Variants in MGAT3 observed in about 807,000 individuals in gnomAD.
The protein encoded by MGAT3 is GlcNAc-T III.
Under a neutral mutation model 29.8 loss-of-function variants are expected in MGAT3, and 9 were observed. The observed-to-expected ratio is 0.30, with a 90% confidence interval of 0.18 to 0.53. The LOEUF is 0.53. Among genes scored for constraint, MGAT3 ranks in the 20% least tolerant of loss-of-function variants. The pLI, the probability that MGAT3 is intolerant of heterozygous loss-of-function variation, is 0.96. For synonymous variants in MGAT3, 397 were observed against 348.9 expected, an observed-to-expected ratio of 1.14 and a Z score of -1.54; for missense variants, 557 against 769.5, an observed-to-expected ratio of 0.72 and a Z score of 3.27.
At chr22:39,474,472 C>T (rs1376380347) in intron 1 of MGAT3, among the ~76,000 whole-genome samples, 1 of 152,184 alleles carries the variant, frequency 6.6e-6, no homozygotes, top group Non-Finnish European at 1.5e-5. Flanking sequence ...AGTTTGAGGC[C>T]CTGTGTGCCT....
rs1929320045 is a variant in MGAT3, at chr22:39,487,715, A to C, written c.368A>C (p.Lys123Thr). 6.4e-7 allele frequency: 1 copy of C among 1,569,700 alleles called. No individual in the cohort carries two copies. The highest frequency in any genetic ancestry group is 1.4e-5 in the African/African-American group (1 of 73,376). Residue 123 changes from lysine (K) to threonine (T), a missense_variant, in exon 2 of 2, where the codon AAG becomes ACG. By Grantham distance (78) the Lys-to-Thr change is moderately conservative. Transcript: ENST00000341184. This position sits in a 1 kb window ranked among gnomAD's most constrained non-coding sequence, Gnocchi z 5.7. ...GGCGTCTGCTTCAAACCCGGCACCA[A>C]GATGCTGGAGAGGCCGCCCCCGGGA... is the stretch of plus-strand genomic sequence containing the variant. ...AGGVCFKPGT[K>T]MLERPPPGRP...
chr22:39,479,973 C>G (rs935738024), intron 1 of MGAT3, among the ~76,000 whole-genome samples: 4 of 152,174 alleles, frequency 2.6e-5, no homozygotes, highest in African/African-American at 9.7e-5. Flanking sequence ...CTCTCTGATT[C>G]TTACTTGAAA....
rs945835020 is a variant in MGAT3 at position 39,458,870 on chromosome 22, G to A, written c.-2+1313G>A. Among the ~76,000 whole-genome samples the A allele has an allele frequency of 3.3e-5, 5 of 152,188 alleles. No homozygotes were observed. In the East Asian group the frequency reaches 5.8e-4, roughly 18 times the overall value. On this transcript the variant is annotated intron_variant, in intron 1 of 1. Coordinates refer to ENST00000341184, the MANE Select transcript of MGAT3 (RefSeq NM_002409.5). ...GAAGTGAGATGAAAACGGGGCAGAGGCTGGGCAGGGAGGCCAGGTGGAGGT... is the reference window on the plus strand; with the variant it reads ...GAAGTGAGATGAAAACGGGGCAGAGACTGGGCAGGGAGGCCAGGTGGAGGT...
chr22:39,482,653 C>CA (rs1272114869), intron 1 of MGAT3, among the ~76,000 whole-genome samples: 2 of 152,096 alleles, frequency 1.3e-5, no homozygotes, highest in Admixed American at 1.3e-4. Context: ...AATGAAAAGA[C>CA]AAAAAGGAAT....
chr22:39,481,112 T>C (rs1349806962), intron 1 of MGAT3, among the ~76,000 whole-genome samples: 2 of 152,144 alleles, frequency 1.3e-5, no homozygotes, highest in African/African-American at 2.4e-5. Context: ...GTGATCTGGG[T>C]TTGTTCCCTG....
intron 1 of MGAT3, among the ~76,000 whole-genome samples, chr22:39,467,809 C>CAAAA (rs34945926): frequency 1.6e-5 from 1 of 61,102 alleles, no homozygotes; most frequent in Non-Finnish European, 3.2e-5. Context: ...GGCTCAGTCT[C>CAAAA]AAAAAAAAAA....
intron 1 of MGAT3, among the ~76,000 whole-genome samples, chr22:39,464,746 C>G (rs562222813): frequency 6.6e-6 from 1 of 150,468 alleles, no homozygotes; most frequent in Non-Finnish European, 1.5e-5. Flanking sequence ...TGGCCTGATA[C>G]ATATTTATTT....
At chr22:39,482,118 C>T (rs938706921) in intron 1 of MGAT3, among the ~76,000 whole-genome samples, 1 of 151,714 alleles carries the variant, frequency 6.6e-6, no homozygotes, top group Non-Finnish European at 1.5e-5. Context: ...TTCTGCATGC[C>T]TGGCACTGCT....
At position 39,488,958 on chromosome 22, in the gene MGAT3, G is replaced by T; in HGVS notation, c.*9G>T. On this transcript the variant is annotated 3_prime_UTR_variant, in exon 2 of 2. Transcript: ENST00000341184. ...ACGAGGCGGAAGTCTAGAGCTGCAT[G>T]ATCTGATAGGGTTTGTGACAGGGCG... 1 of 1,597,766 alleles carries T rather than the reference G, an allele frequency of 6.3e-7. No individual in the cohort carries two copies. Among genetic ancestry groups the T allele is most frequent in the Non-Finnish European group, 8.5e-7 (1 of 1,172,750 alleles).
intron 1 of MGAT3, among the ~76,000 whole-genome samples, chr22:39,485,564 G>A (rs1328366842): frequency 6.6e-6 from 1 of 152,190 alleles, no homozygotes; most frequent in Non-Finnish European, 1.5e-5. Flanking sequence ...GTCGAGGTGG[G>A]CGGATCACCT....
rs1017051319 is a variant in MGAT3 at position 39,457,715 on chromosome 22, C to G, written c.-2+158C>G. Among the ~76,000 whole-genome samples, 1 of 150,292 alleles carries G rather than the reference C, an allele frequency of 6.7e-6. No individual in the cohort carries two copies. Among genetic ancestry groups the G allele is most frequent in the African/African-American group, 2.4e-5 (1 of 41,178 alleles). ...CGCGGGCGCACTGGGGCTGGGGGCCCGGAGGCCGCGGTGGGGGCGGGATGC... is the reference window on the plus strand; with the variant it reads ...CGCGGGCGCACTGGGGCTGGGGGCCGGGAGGCCGCGGTGGGGGCGGGATGC... On this transcript the variant is annotated intron_variant, in intron 1 of 1. Transcript: ENST00000341184. The surrounding 1 kb of genome is among the most constrained non-coding windows in gnomAD (Gnocchi z 6.8).
intron 1 of MGAT3, among the ~76,000 whole-genome samples, chr22:39,473,869 G>A (rs1461754094): frequency 6.6e-6 from 1 of 152,096 alleles, no homozygotes; most frequent in Non-Finnish European, 1.5e-5. Context: ...GGATGGAGGT[G>A]TGTGGGCAGG....
intron 1 of MGAT3, among the ~76,000 whole-genome samples, chr22:39,473,616 G>A (rs1367618588): frequency 6.6e-6 from 1 of 152,106 alleles, no homozygotes; most frequent in Non-Finnish European, 1.5e-5. Flanking sequence ...ATTACAGGCT[G>A]GCAAGGGGAA....
Position 39,491,241 on chromosome 22 carries a change from T to C in MGAT3, c.*2292T>C, listed in dbSNP as rs532468264. 6.0e-6 allele frequency: 1 copy of C among 167,364 alleles called. No individual in the cohort carries two copies. Among genetic ancestry groups the C allele is most frequent in the South Asian group, 2.1e-4 (1 of 4,834 alleles). 10.4% of individuals were successfully genotyped at this position (167,364 alleles called of 1,614,324 possible). ...GCAAGCGTGAAGTGGGCTGAGGGGCTCTGAGCCACTTTGCTCCCATCTAGG... is the reference window on the plus strand; with the variant it reads ...GCAAGCGTGAAGTGGGCTGAGGGGCCCTGAGCCACTTTGCTCCCATCTAGG... On this transcript the variant is annotated 3_prime_UTR_variant, in exon 2 of 2. Transcript: ENST00000341184. This position sits in a 1 kb window ranked among gnomAD's most constrained non-coding sequence, Gnocchi z 5.5.
In MGAT3 at chr22:39,489,891, G is replaced by C. The variant is rs571285978; in HGVS notation, c.*942G>C. ...CCAGTCCCAGCTGTCCACTGTCCCA[G>C]GTGCAGTCACTGTTGTGCCCTTCCT... On this transcript the variant is annotated 3_prime_UTR_variant, in exon 2 of 2. Coordinates refer to ENST00000341184, the MANE Select transcript of MGAT3 (RefSeq NM_002409.5). The C allele has an allele frequency of 6.0e-6, 1 of 167,618 alleles. No homozygotes were observed. Among genetic ancestry groups the C allele is most frequent in the South Asian group, 2.1e-4 (1 of 4,838 alleles). 10.4% of individuals were successfully genotyped at this position (167,618 alleles called of 1,614,324 possible). A position where few individuals can be genotyped will look rare whatever the true frequency, so the allele number is the denominator to read the frequency against.
chr22:39,475,599 C>T (rs1298262691), intron 1 of MGAT3, among the ~76,000 whole-genome samples: 1 of 152,216 alleles, frequency 6.6e-6, no homozygotes, highest in East Asian at 1.9e-4. Context: ...CCCTGGCCCT[C>T]CCCTTCATCA....
Position 39,457,036 on chromosome 22 carries a change from G to A in MGAT3, c.-523G>A, listed in dbSNP as rs1279075104. 6.6e-6 allele frequency among the ~76,000 whole-genome samples: 1 copy of A among 151,062 alleles called. No individual in the cohort carries two copies. Among genetic ancestry groups the A allele is most frequent in the Non-Finnish European group, 1.5e-5 (1 of 67,682 alleles). On this transcript the variant is annotated 5_prime_UTR_variant, in exon 1 of 2. Transcript: ENST00000341184. This position sits in a 1 kb window ranked among gnomAD's most constrained non-coding sequence, Gnocchi z 6.8. ...CACTCACACACACTCGCTCGCACACGCACACACTCGATCCAGCACGCGCGG... is the reference window on the plus strand; with the variant it reads ...CACTCACACACACTCGCTCGCACACACACACACTCGATCCAGCACGCGCGG...
At chr22:39,483,739 G>A (rs1470852304) in intron 1 of MGAT3, among the ~76,000 whole-genome samples, 1 of 152,178 alleles carries the variant, frequency 6.6e-6, no homozygotes, top group Non-Finnish European at 1.5e-5. Context: ...GGAGAATGAA[G>A]TGCAGAAGAC....
At chr22:39,464,031 C>T (rs1194900740) in intron 1 of MGAT3, among the ~76,000 whole-genome samples, 1 of 152,012 alleles carries the variant, frequency 6.6e-6, no homozygotes, top group Non-Finnish European at 1.5e-5. Flanking sequence ...CAATCCCCAA[C>T]CCTTGTAACC....
Sources: gnomAD v4.1 joint callset for allele counts (sites outside exome capture counted in the v4.1 genomes callset) on GRCh38, gnomAD v4.1.1 for gene constraint, Gnocchi (gnomAD v3.1) non-coding constraint, MANE v1.5 for transcripts, NCBI Gene and HGNC (gene_info 2026-07-23, HGNC 2026-07-21) for gene names.